DYM: variants seen among roughly 807,000 people sequenced by gnomAD.
DYM encodes the protein dyggve-Melchior-Clausen syndrome protein.
A neutral mutation model predicts 93.1 loss-of-function variants in DYM; 78 were observed. The observed-to-expected ratio is 0.84, with a 90% CI of 0.70 to 1.01. DYM has a LOEUF of 1.01. Among genes scored for constraint, DYM ranks in the 50% least tolerant of loss-of-function variants. The pLI is 0.00. For synonymous variants in DYM, 321 were observed against 319.7 expected (o/e 1.00, Z -0.04); for missense variants, 789 against 845.0 (o/e 0.93, Z 0.82).
At chr18:49,402,123 C>T (rs2070921520) in intron 2 of DYM, among the ~76,000 whole-genome samples, 2 of 152,078 alleles carry the variant, frequency 1.3e-5, no homozygotes, top group African/African-American at 4.8e-5. Context: ...TGTTTGCTTC[C>T]TTGGATTTCA....
At chr18:49,224,701 A>C (rs560901137) in intron 13 of DYM, among the ~76,000 whole-genome samples, 1 of 152,194 alleles carries the variant, frequency 6.6e-6, no homozygotes, top group Admixed American at 6.5e-5. Context: ...ACTAGACACC[A>C]AATCAGTCGG....
chr18:49,168,643 C>A (rs1266962295), intron 14 of DYM, among the ~76,000 whole-genome samples: 1 of 152,092 alleles, frequency 6.6e-6, no homozygotes, highest in East Asian at 1.9e-4. Context: ...CTAATTCTTA[C>A]AAAATAATGA....
intron 8 of DYM, among the ~76,000 whole-genome samples, chr18:49,293,730 G>T (rs1282686473): frequency 6.6e-6 from 1 of 152,058 alleles, no homozygotes; most frequent in Non-Finnish European, 1.5e-5. Flanking sequence ...TCTGTCAGTG[G>T]ATAGATTGCA....
intron 10 of DYM, among the ~76,000 whole-genome samples, chr18:49,279,842 T>C (rs1412997612): frequency 6.6e-6 from 1 of 152,224 alleles, no homozygotes. Context: ...CTAGACCTGA[T>C]GTGGAGACAC....
At chr18:49,424,024 G>T (rs1027680549) in intron 2 of DYM, among the ~76,000 whole-genome samples, 8 of 151,506 alleles carry the variant, frequency 5.3e-5, no homozygotes, top group African/African-American at 1.9e-4. Context: ...AGAAAAAGAG[G>T]GAATCCTCCC....
intron 13 of DYM, among the ~76,000 whole-genome samples, chr18:49,218,144 A>G (rs1041834485): frequency 6.6e-6 from 1 of 152,204 alleles, no homozygotes. Flanking sequence ...AACAAAGGTC[A>G]AAAGAGAGAA....
At chr18:49,193,687 C>T (rs191871355) in intron 14 of DYM, among the ~76,000 whole-genome samples, 1 of 152,200 alleles carries the variant, frequency 6.6e-6, no homozygotes, top group South Asian at 2.1e-4. Flanking sequence ...CTTTATAATG[C>T]TGTGACATTC....
At chr18:49,131,670 T>C (rs2083390144) in intron 15 of DYM, among the ~76,000 whole-genome samples, 1 of 152,228 alleles carries the variant, frequency 6.6e-6, no homozygotes, top group Admixed American at 6.5e-5. Context: ...GAAAACAGTT[T>C]AGTATATAAC....
At chr18:49,452,751 C>T (rs188439728) in intron 1 of DYM, among the ~76,000 whole-genome samples, 6 of 137,096 alleles carry the variant, frequency 4.4e-5, no homozygotes, top group East Asian at 4.3e-4. Flanking sequence ...AGGCGCACAG[C>T]GCGGGACTGG....
intron 8 of DYM, among the ~76,000 whole-genome samples, chr18:49,291,360 ATAAAG>A (rs1237580791): frequency 6.6e-6 from 1 of 152,226 alleles, no homozygotes; most frequent in African/African-American, 2.4e-5. Flanking sequence ...AACACACAAA[ATAAAG>A]TATCTTATGA....
intron 10 of DYM, among the ~76,000 whole-genome samples, chr18:49,280,734 C>A (rs990673204): frequency 6.6e-6 from 1 of 152,192 alleles, no homozygotes; most frequent in Non-Finnish European, 1.5e-5. Context: ...AATTCTTGAC[C>A]ATCACCTTTG....
At chr18:49,269,300 A>G (rs959662022) in intron 11 of DYM, among the ~76,000 whole-genome samples, 11 of 152,188 alleles carry the variant, frequency 7.2e-5, no homozygotes, top group African/African-American at 2.7e-4. Context: ...TATGAAAAAG[A>G]CAAGAGATAA....
At chr18:49,153,345 G>A (rs2086028435) in intron 15 of DYM, among the ~76,000 whole-genome samples, 1 of 152,242 alleles carries the variant, frequency 6.6e-6, no homozygotes, top group Non-Finnish European at 1.5e-5. Context: ...GTTCAAAGCA[G>A]TTGTGCTAGG....
chr18:49,453,956 T>C (rs960659356), intron 1 of DYM, among the ~76,000 whole-genome samples: 5 of 152,216 alleles, frequency 3.3e-5, no homozygotes, highest in African/African-American at 1.2e-4. Context: ...AAAAGGAATG[T>C]TACTTTTATA....
At chr18:49,234,975 C>T (rs1194198943) in intron 13 of DYM, among the ~76,000 whole-genome samples, 3 of 152,146 alleles carry the variant, frequency 2.0e-5, no homozygotes, top group Non-Finnish European at 4.4e-5. Context: ...GAACTCAGTT[C>T]TACAATCACA....
intron 13 of DYM, among the ~76,000 whole-genome samples, chr18:49,236,372 C>G (rs145168237): frequency 0.015 from 2,272 of 151,838 alleles, 58 homozygotes; most frequent in African/African-American, 0.052. Context: ...CCTAGCTACT[C>G]GAGAGGCTGA....
At chr18:49,442,556 TAAAAA>T (rs767137277) in intron 1 of DYM, among the ~76,000 whole-genome samples, 2 of 149,614 alleles carry the variant, frequency 1.3e-5, no homozygotes, top group Non-Finnish European at 3.0e-5. Context: ...GTCTCAAAAA[TAAAAA>T]AAAGAAACTG....
rs564654632 is a variant in DYM at position 49,394,267 on chromosome 18, T to C, written c.141-2622A>G. ...AATTTCCTCATATATAAAACAGAAA[T>C]AGTAACAGTACCTTCATAAGGTTAT... is the stretch of plus-strand genomic sequence containing the variant. On this transcript the variant is annotated intron_variant, in intron 2 of 17. Coordinates refer to ENST00000675505, the MANE Select transcript of DYM (RefSeq NM_001353214.3). Among the ~76,000 whole-genome samples the C allele has an allele frequency of 2.8e-4, 42 of 152,292 alleles. No individual in the cohort carries two copies. The South Asian group carries it at 8.5e-3, about 31-fold the overall frequency.
At chr18:49,067,127 T>G (rs1370956595) in intron 17 of DYM, among the ~76,000 whole-genome samples, 2 of 125,112 alleles carry the variant, frequency 1.6e-5, no homozygotes, top group East Asian at 2.5e-4. Flanking sequence ...GTGATGTGAG[T>G]GTTATGGAGG....
Sources: allele counts gnomAD v4.1 joint callset (sites outside exome capture counted in the v4.1 genomes callset), GRCh38; gene constraint gnomAD v4.1.1; transcripts MANE v1.5; gene names NCBI Gene and HGNC (gene_info 2026-07-23, HGNC 2026-07-21).